The following NRG4 variants were observed in gnomAD, a reference collection of about 807,000 sequenced individuals.
The protein encoded by NRG4 is pro-neuregulin-4, membrane-bound isoform.
Under a neutral mutation model 15.0 loss-of-function variants are expected in NRG4, and 10 were observed. That is an observed-to-expected ratio of 0.67 (90% confidence interval 0.41 to 1.13). The LOEUF is 1.13. NRG4 is among the 50% of genes most tolerant of loss of function. The pLI, the probability that NRG4 is intolerant of heterozygous loss-of-function variation, is 0.00. For missense variants in NRG4, 139 were observed against 140.2 expected (o/e 0.99, Z 0.04); for synonymous variants, 41 against 50.1 (o/e 0.82, Z 0.77).
intron 3 of NRG4, among the ~76,000 whole-genome samples, chr15:76,005,016 A>G (rs889256521): frequency 2.0e-5 from 3 of 152,182 alleles, no homozygotes; most frequent in Admixed American, 1.3e-4. Context: ...CATATTTTAT[A>G]TGTTTTATGT....
chr15:76,037,928 CTAGACACAAT>C (rs1435500589), intron 4 of NRG4, among the ~76,000 whole-genome samples: 9 of 107,178 alleles, frequency 8.4e-5, no homozygotes, highest in Non-Finnish European at 1.5e-4. Context: ...GGATACAATA[CTAGACACAAT>C]ACTAGACAGA....
intron 3 of NRG4, among the ~76,000 whole-genome samples, chr15:75,966,094 G>T (rs993044383): frequency 2.6e-5 from 4 of 151,912 alleles, no homozygotes; most frequent in Admixed American, 2.0e-4. Context: ...TATACAAATT[G>T]GTTTTCTGGC....
intron 1 of NRG4, among the ~76,000 whole-genome samples, chr15:76,059,251 T>C (rs917519057): frequency 2.0e-5 from 3 of 152,164 alleles, no homozygotes; most frequent in African/African-American, 7.2e-5. Flanking sequence ...ATGAATGTAC[T>C]GACAGGTATT....
At chr15:76,013,326 CAA>C (rs913683936), upstream of NRG4, among the ~76,000 whole-genome samples, 1 of 130,670 alleles carries the variant, frequency 7.7e-6, no homozygotes. Context: ...GACTCCGTCT[CAA>C]AAAAAAAAAA....
chr15:75,975,165 A>G (rs557173459), intron 3 of NRG4, among the ~76,000 whole-genome samples: 1 of 152,204 alleles, frequency 6.6e-6, no homozygotes, highest in East Asian at 1.9e-4. Flanking sequence ...GGAGACTAAG[A>G]TTGTAACCCC....
At chr15:75,987,323 A>G (rs890926153) in intron 3 of NRG4, among the ~76,000 whole-genome samples, 7 of 152,248 alleles carry the variant, frequency 4.6e-5, no homozygotes, top group Non-Finnish European at 8.8e-5. Flanking sequence ...ATTTTTGTCA[A>G]GGAAAATATA....
chr15:75,981,923 A>AC (rs902515941), intron 3 of NRG4, among the ~76,000 whole-genome samples: 11 of 151,986 alleles, frequency 7.2e-5, no homozygotes, highest in Non-Finnish European at 1.6e-4. Context: ...AATATAACTT[A>AC]CAAAAAAAAA....
At chr15:76,030,549 A>G (rs979875203) in intron 5 of NRG4, among the ~76,000 whole-genome samples, 2 of 152,170 alleles carry the variant, frequency 1.3e-5, no homozygotes, top group African/African-American at 2.4e-5. Context: ...GAAGGATGAA[A>G]CTAGTCCCCC....
In NRG4 at chr15:75,941,390, A is replaced by C. The variant is rs1173020949; in HGVS notation, c.*2248T>G. The C allele has an allele frequency of 6.6e-6, 1 of 152,208 alleles. No individual in the cohort carries two copies. The highest frequency in any genetic ancestry group is 1.5e-5 in the Non-Finnish European group (1 of 68,018). 9.4% of individuals were successfully genotyped at this position (152,208 alleles called of 1,614,324 possible). ...ATGGTGATTTTCCAATTAAATATAG[A>C]ATTGTCATTTGATTCAGCAATTGCA... On this transcript the variant is annotated 3_prime_UTR_variant, in exon 6 of 6. Coordinates refer to ENST00000394907, the MANE Select transcript of NRG4 (RefSeq NM_138573.4).
chr15:76,059,396 C>A (rs2036239239), intron 1 of NRG4, among the ~76,000 whole-genome samples: 1 of 152,222 alleles, frequency 6.6e-6, no homozygotes, highest in African/African-American at 2.4e-5. Flanking sequence ...CCTCACCGGG[C>A]GCCCCGCGCG....
chr15:75,947,270 C>T (rs1031314099), intron 5 of NRG4, among the ~76,000 whole-genome samples: 21 of 152,168 alleles, frequency 1.4e-4, no homozygotes, highest in African/African-American at 4.8e-4. Flanking sequence ...TGAACAAACA[C>T]GTACAGCTAC....
intron 3 of NRG4, among the ~76,000 whole-genome samples, chr15:75,998,809 G>A (rs190855224): frequency 1.2e-3 from 176 of 152,186 alleles, no homozygotes; most frequent in African/African-American, 4.1e-3. Context: ...TGAACTAATG[G>A]GAAGACATAT....
intron 5 of NRG4, among the ~76,000 whole-genome samples, chr15:76,025,088 C>A (rs1482694275): frequency 6.6e-6 from 1 of 152,066 alleles, no homozygotes; most frequent in Non-Finnish European, 1.5e-5. Context: ...ATATGAAATA[C>A]CAGAAAAAGA....
At chr15:75,963,358 G>A (rs1159808655) in intron 3 of NRG4, among the ~76,000 whole-genome samples, 1 of 152,060 alleles carries the variant, frequency 6.6e-6, no homozygotes, top group Non-Finnish European at 1.5e-5. Context: ...AAAATATTTT[G>A]GAGGGCCAGG....
intron 3 of NRG4, among the ~76,000 whole-genome samples, chr15:75,996,279 TTAAC>T (rs2034211853): frequency 1.3e-5 from 2 of 151,624 alleles, no homozygotes; most frequent in South Asian, 4.2e-4. Flanking sequence ...TGTACTTCAT[TTAAC>T]TCTTAACAAT....
intron 4 of NRG4, among the ~76,000 whole-genome samples, chr15:76,048,366 G>A (rs1479037723): frequency 1.3e-5 from 2 of 148,566 alleles, no homozygotes; most frequent in African/African-American, 5.1e-5. Context: ...TAGCTACTTC[G>A]GAGGCTGAGG....
At chr15:75,967,898 G>A (rs2032894263) in intron 3 of NRG4, among the ~76,000 whole-genome samples, 1 of 152,168 alleles carries the variant, frequency 6.6e-6, no homozygotes, top group South Asian at 2.1e-4. Flanking sequence ...TTGTCACTAG[G>A]AAGGATATTG....
At chr15:76,045,873 A>G (rs905268320) in intron 4 of NRG4, among the ~76,000 whole-genome samples, 22 of 151,164 alleles carry the variant, frequency 1.5e-4, no homozygotes, top group African/African-American at 5.4e-4. Context: ...ATTTGCTAGC[A>G]CAACAGGGTG....
intron 3 of NRG4, among the ~76,000 whole-genome samples, chr15:75,969,725 A>G (rs1191466471): frequency 6.6e-6 from 1 of 152,240 alleles, no homozygotes; most frequent in Non-Finnish European, 1.5e-5. Context: ...CGTTCTAAGC[A>G]TGGTGAGGTC....
Sources: allele counts gnomAD v4.1 joint callset (sites outside exome capture counted in the v4.1 genomes callset), GRCh38; gene constraint gnomAD v4.1.1; transcripts MANE v1.5; gene names NCBI Gene and HGNC (gene_info 2026-07-23, HGNC 2026-07-21).